The following ARSG variants were observed in gnomAD, a reference collection of about 807,000 sequenced individuals.
ARSG encodes arylsulfatase G.
A neutral mutation model predicts 50.5 loss-of-function variants in ARSG; 37 were observed. That is an observed-to-expected ratio of 0.73 (90% CI 0.56 to 0.96). The LOEUF (loss-of-function observed/expected upper bound fraction) is 0.96, where lower values mean the gene tolerates loss of function less well. Among genes scored for constraint, ARSG ranks in the 50% least tolerant of loss-of-function variants. The pLI, the probability that ARSG is intolerant of heterozygous loss-of-function variation, is 0.00. For synonymous variants in ARSG, 225 were observed against 254.6 expected, an observed-to-expected ratio of 0.88 and a Z score of 1.11; for missense variants, 629 against 675.3, an observed-to-expected ratio of 0.93 and a Z score of 0.76.
chr17:68,359,881 A>G (rs1187470369), intron 6 of ARSG: 2 of 152,262 alleles, frequency 1.3e-5, no homozygotes, highest in African/African-American at 4.8e-5. Flanking sequence ...AATAGTAGAA[A>G]GGGCAGAGCC....
chr17:68,277,381 C>T (rs1231552199), intron 1 of ARSG, among the ~76,000 whole-genome samples: 2 of 151,856 alleles, frequency 1.3e-5, no homozygotes, highest in Non-Finnish European at 2.9e-5. Flanking sequence ...CCACCTGCCT[C>T]GGCTTTCCAA....
At chr17:68,421,628 A>G, downstream of ARSG, 1 of 1,139,452 alleles carries the variant, frequency 8.8e-7, no homozygotes, top group Admixed American at 1.8e-5. Context: ...GGAGTTAACC[A>G]GGTCCTGTGG....
At position 68,307,555 on chromosome 17, in the gene ARSG, C is replaced by T; in HGVS notation, c.62C>T (p.Pro21Leu). Reference sequence around the variant, plus strand: ...GTGAGTTTCTCAGGATTTCTTTATCCTCTTGTGGATTTTTGCATCAGTGGG... The same window carrying T: ...GTGAGTTTCTCAGGATTTCTTTATCTTCTTGTGGATTTTTGCATCAGTGGG... ...AGVSFSGFLY[P>L]LVDFCISGKT... The change falls in exon 2 of 12, where the codon CCT becomes CTT. Residue 21 changes from proline (P) to leucine (L), a missense_variant. Pro to Leu is a moderately conservative substitution (Grantham distance 98, BLOSUM62 -3). Coordinates refer to ENST00000621439, the MANE Select transcript of ARSG (RefSeq NM_001267727.2). 3 of 1,614,166 alleles carry T rather than the reference C, an allele frequency of 1.9e-6. No individual in the cohort carries two copies. The highest frequency in any genetic ancestry group is 1.7e-6 in the Non-Finnish European group (2 of 1,180,030).
At chr17:68,371,635 C>T (rs2079852408) in intron 8 of ARSG, among the ~76,000 whole-genome samples, 1 of 152,162 alleles carries the variant, frequency 6.6e-6, no homozygotes, top group Non-Finnish European at 1.5e-5. Flanking sequence ...TCAATTCCTC[C>T]TGTAAGAATT....
chr17:68,386,156 C>T (rs2080714062), intron 9 of ARSG, among the ~76,000 whole-genome samples: 1 of 152,180 alleles, frequency 6.6e-6, no homozygotes, highest in Non-Finnish European at 1.5e-5. Flanking sequence ...ACAACATCTT[C>T]CCAGCTATGG....
Position 68,291,568 on chromosome 17 carries a change from G to A in ARSG, c.-552G>A, listed in dbSNP as rs2145237306. 6.6e-6 allele frequency: 1 copy of A among 151,042 alleles called. No individual in the cohort carries two copies. The highest frequency in any genetic ancestry group is 6.6e-5 in the Admixed American group (1 of 15,230). The allele number at this position is 151,042 out of a possible 1,614,324, so 9.4% of individuals were successfully genotyped here. Reference sequence around the variant, plus strand: ...GCCGCCTGGGCTGGGGGTCACGAAAGGTAACCGCGTCGCGGTCCGGGGCCG... The same window carrying A: ...GCCGCCTGGGCTGGGGGTCACGAAAAGTAACCGCGTCGCGGTCCGGGGCCG... On this transcript the variant is annotated splice_region_variant and 5_prime_UTR_variant, in exon 1 of 12. Coordinates refer to ENST00000621439, the MANE Select transcript of ARSG (RefSeq NM_001267727.2).
intron 9 of ARSG, among the ~76,000 whole-genome samples, chr17:68,385,533 G>T (rs1352182532): frequency 7.4e-6 from 1 of 135,002 alleles, no homozygotes; most frequent in Non-Finnish European, 1.6e-5. Flanking sequence ...GAGGGGAGGG[G>T]AGGGAAGGGA....
intron 8 of ARSG, among the ~76,000 whole-genome samples, chr17:68,371,976 T>G (rs1205811669): frequency 6.6e-6 from 1 of 152,092 alleles, no homozygotes; most frequent in Non-Finnish European, 1.5e-5. Context: ...AACAAAACAT[T>G]AGCAATAATT....
In ARSG at chr17:68,389,159, C is replaced by T. The variant is rs116311809; in HGVS notation, c.1091+3987C>T. 3.7e-3 allele frequency among the ~76,000 whole-genome samples: 556 copies of T among 152,236 alleles called. 4 individuals are homozygous for T. Among genetic ancestry groups the T allele is most frequent in the African/African-American group, 0.012 (492 of 41,536 alleles). ...CTACAGGCAGGGCCTAACCACATGTCGCCTTTCCAAGTCCTCTCCTCCTCC... is the reference window on the plus strand; with the variant it reads ...CTACAGGCAGGGCCTAACCACATGTTGCCTTTCCAAGTCCTCTCCTCCTCC... On this transcript the variant is annotated intron_variant, in intron 9 of 11. Transcript: ENST00000621439.
In ARSG at chr17:68,269,007, G is replaced by C. The variant is rs148251357; in HGVS notation, c.-552+9581G>C. On this transcript the variant is annotated intron_variant, in intron 1 of 11. Coordinates refer to the ARSG transcript ENST00000448504. ...ATGTAGTTTTGAAAGTGGAGTAGAGGGGTTAGCTCCTCTGCCTCCTTGTGT... is the reference window on the plus strand; with the variant it reads ...ATGTAGTTTTGAAAGTGGAGTAGAGCGGTTAGCTCCTCTGCCTCCTTGTGT... The C allele has an allele frequency of 2.9e-3, 4,627 of 1,568,752 alleles. 303 individuals carry two copies. The African/African-American group carries it at 0.057, about 19-fold the overall frequency.
chr17:68,271,096 G>T lies in ARSG; in HGVS notation c.-552+11670G>T. ...GAGCTCAATGTAAATCTTACGAATG[G>T]GCTCCCTGTTGAGGACAAAACCAGC... On this transcript the variant is annotated intron_variant, in intron 1 of 11. Transcript: ENST00000448504. This position sits in a 1 kb window ranked among gnomAD's most constrained non-coding sequence, Gnocchi z 5.3. 6.2e-7 allele frequency: 1 copy of T among 1,614,138 alleles called. No homozygotes were observed. Among genetic ancestry groups the T allele is most frequent in the South Asian group, 1.1e-5 (1 of 91,074 alleles).
At chr17:68,393,806 G>C (rs1261332675) in intron 9 of ARSG, among the ~76,000 whole-genome samples, 1 of 148,626 alleles carries the variant, frequency 6.7e-6, no homozygotes, top group Non-Finnish European at 1.5e-5. Flanking sequence ...GGCAGAGGCT[G>C]CAGTGAGCCA....
At chr17:68,402,243 G>GTTGA (rs1181477226) in intron 11 of ARSG, among the ~76,000 whole-genome samples, 1 of 150,924 alleles carries the variant, frequency 6.6e-6, no homozygotes, top group Non-Finnish European at 1.5e-5. Context: ...TGTTGTTGTT[G>GTTGA]TTGTTTGTTT....
chr17:68,343,749 G>A lies in ARSG; in HGVS notation c.364G>A (p.Ala122Thr). 6.2e-7 allele frequency: 1 copy of A among 1,614,078 alleles called. No individual in the cohort carries two copies. The highest frequency in any genetic ancestry group is 8.5e-7 in the Non-Finnish European group (1 of 1,179,948). Residue 122 changes from alanine (A) to threonine (T), a missense_variant, in exon 3 of 12, where the codon GCA becomes ACA. Transcript: ENST00000621439. The part of the protein sequence containing the change: ...GGLPLNETTL[A>T]EVLQQAGYVT... ...CCTTCCGCTCAACGAGACCACCTTG[G>A]CAGAGGTGCTGCAGCAGGCGGGTTA...
At chr17:68,300,962 C>CA (rs1304477359) in intron 1 of ARSG, among the ~76,000 whole-genome samples, 1 of 151,460 alleles carries the variant, frequency 6.6e-6, no homozygotes, top group Non-Finnish European at 1.5e-5. Context: ...ACTAAAAATA[C>CA]AAAAAATTAG....
chr17:68,370,246 C>G (rs2079763741), intron 7 of ARSG, among the ~76,000 whole-genome samples, 198 bp from the exon 8 acceptor site: 1 of 152,072 alleles, frequency 6.6e-6, no homozygotes, highest in Non-Finnish European at 1.5e-5. Context: ...AACTCCTGAC[C>G]TCAAGTGATC....
chr17:68,326,301 C>T (rs1479644265), intron 2 of ARSG, among the ~76,000 whole-genome samples: 4 of 152,118 alleles, frequency 2.6e-5, no homozygotes, highest in Non-Finnish European at 4.4e-5. Context: ...CCTGTGGAGA[C>T]CAGAGCAGAG....
intron 2 of ARSG, among the ~76,000 whole-genome samples, chr17:68,331,680 C>T (rs780603625): frequency 7.2e-5 from 11 of 152,186 alleles, no homozygotes; most frequent in Non-Finnish European, 1.6e-4. Context: ...GGGGGAAACT[C>T]AGCCCCTGAT....
intron 1 of ARSG, chr17:68,274,091 G>A (rs1555750136): frequency 6.2e-7 from 1 of 1,607,096 alleles, no homozygotes; most frequent in East Asian, 2.2e-5. Context: ...AGAACAAAAC[G>A]ATATTTTAAC....
Sources: gnomAD v4.1 joint callset for allele counts (sites outside exome capture counted in the v4.1 genomes callset) on GRCh38, gnomAD v4.1.1 for gene constraint, Gnocchi (gnomAD v3.1) non-coding constraint, MANE v1.5 for transcripts, NCBI Gene and HGNC (gene_info 2026-07-23, HGNC 2026-07-21) for gene names.